The following B3GALT1 variants were observed in gnomAD, a reference collection of about 807,000 sequenced individuals.
The protein encoded by B3GALT1 is beta-1,3-galactosyltransferase 1, also known as UDP-Gal:betaGlcNAc beta 1,3-galactosyltransferase, polypeptide 1.
Under a neutral mutation model 23.2 loss-of-function variants are expected in B3GALT1, and 10 were observed. That is an observed-to-expected ratio of 0.43 (90% confidence interval 0.27 to 0.73). The LOEUF is 0.73. Among genes scored for constraint, B3GALT1 ranks in the 30% least tolerant of loss-of-function variants. The pLI, the probability that B3GALT1 is intolerant of heterozygous loss-of-function variation, is 0.21. For missense variants in B3GALT1, 299 were observed against 405.4 expected, an observed-to-expected ratio of 0.74 and a Z score of 2.25; for synonymous variants, 156 against 141.5, an observed-to-expected ratio of 1.10 and a Z score of -0.73.
intron 3 of B3GALT1, among the ~76,000 whole-genome samples, chr2:167,654,537 C>T (rs149688082): frequency 2.1e-3 from 325 of 152,134 alleles, no homozygotes; most frequent in African/African-American, 7.4e-3. Flanking sequence ...CCTCACTGTG[C>T]CACTCAGGCT....
chr2:167,859,815 G>A (rs1287833025), intron 4 of B3GALT1, among the ~76,000 whole-genome samples: 1 of 152,118 alleles, frequency 6.6e-6, no homozygotes, highest in African/African-American at 2.4e-5. Context: ...TAAGGCAGAG[G>A]AGTCAGAACA....
At chr2:167,338,213 T>C (rs1697090311) in intron 1 of B3GALT1, among the ~76,000 whole-genome samples, 1 of 152,192 alleles carries the variant, frequency 6.6e-6, no homozygotes, top group African/African-American at 2.4e-5. Flanking sequence ...ACAGCAGTCA[T>C]CAAAAGTGTT....
At chr2:167,528,921 G>A (rs572201738) in intron 2 of B3GALT1, among the ~76,000 whole-genome samples, 12 of 151,980 alleles carry the variant, frequency 7.9e-5, no homozygotes, top group African/African-American at 2.9e-4. Flanking sequence ...GCTCCCTTTT[G>A]TATTAATAGT....
intron 3 of B3GALT1, chr2:167,713,743 G>T: frequency 6.3e-7 from 1 of 1,578,596 alleles, no homozygotes; most frequent in South Asian, 1.1e-5. Flanking sequence ...TCTACCTTCA[G>T]AATGTGGGGT....
At chr2:167,515,503 A>T (rs1280793348) in intron 2 of B3GALT1, among the ~76,000 whole-genome samples, 1 of 152,164 alleles carries the variant, frequency 6.6e-6, no homozygotes. Flanking sequence ...CCATAAAATT[A>T]TAGGGAAGCA....
intron 1 of B3GALT1, among the ~76,000 whole-genome samples, chr2:167,327,207 T>G (rs954198332): frequency 6.6e-6 from 1 of 152,134 alleles, no homozygotes; most frequent in Non-Finnish European, 1.5e-5. Context: ...TTCTTTTTGC[T>G]CAAGACTGCT....
At chr2:167,656,507 A>AT (rs1430151048) in intron 3 of B3GALT1, among the ~76,000 whole-genome samples, 1 of 152,116 alleles carries the variant, frequency 6.6e-6, no homozygotes, top group African/African-American at 2.4e-5. Context: ...TTTTACATGC[A>AT]TTTTCCTGAA....
chr2:167,674,963 C>T (rs1182301098), intron 3 of B3GALT1, among the ~76,000 whole-genome samples: 1 of 152,114 alleles, frequency 6.6e-6, no homozygotes, highest in Admixed American at 6.6e-5. Flanking sequence ...GGTTTCAAGA[C>T]AAGCAGCCAG....
At chr2:167,634,544 A>G (rs1309891699) in intron 2 of B3GALT1, among the ~76,000 whole-genome samples, 2 of 152,138 alleles carry the variant, frequency 1.3e-5, no homozygotes, top group Non-Finnish European at 2.9e-5. Context: ...CAGAAATACA[A>G]ACTACTATCA....
chr2:167,558,844 C>A (rs904081806), intron 2 of B3GALT1, among the ~76,000 whole-genome samples: 2 of 152,236 alleles, frequency 1.3e-5, no homozygotes, highest in Non-Finnish European at 2.9e-5. Context: ...CTCAAGGAGG[C>A]CTGCCTGCCT....
intron 1 of B3GALT1, among the ~76,000 whole-genome samples, chr2:167,476,362 A>C (rs943401242): frequency 6.6e-6 from 1 of 152,224 alleles, no homozygotes; most frequent in Non-Finnish European, 1.5e-5. Context: ...CATGAATATA[A>C]GCGTTTATTA....
chr2:167,715,642 A>C (rs1687130706), intron 3 of B3GALT1: 1 of 1,613,732 alleles, frequency 6.2e-7, no homozygotes, highest in Non-Finnish European at 8.5e-7. Flanking sequence ...TTTCATCCTC[A>C]AGTTCAGAAT....
intron 2 of B3GALT1, among the ~76,000 whole-genome samples, chr2:167,537,909 C>G (rs1406911910): frequency 6.6e-6 from 1 of 151,098 alleles, no homozygotes; most frequent in Non-Finnish European, 1.5e-5. Flanking sequence ...CTGCAACTGC[C>G]CGCCTCCCTG....
intron 2 of B3GALT1, among the ~76,000 whole-genome samples, chr2:167,549,776 T>C (rs961316158): frequency 1.3e-5 from 2 of 152,226 alleles, no homozygotes; most frequent in Non-Finnish European, 2.9e-5. Context: ...CAACCTAATG[T>C]TAGCATCAAA....
intron 4 of B3GALT1, among the ~76,000 whole-genome samples, chr2:167,865,557 C>T (rs973505015): frequency 2.6e-5 from 4 of 152,106 alleles, no homozygotes; most frequent in Admixed American, 1.3e-4. Flanking sequence ...TCTGGGAGGC[C>T]GAGGCGGGCA....
intron 1 of B3GALT1, among the ~76,000 whole-genome samples, chr2:167,448,713 C>T (rs1049974532): frequency 6.6e-6 from 1 of 152,102 alleles, no homozygotes. Context: ...ATGGTATCTT[C>T]TAGAATTTTT....
At chr2:167,838,336 A>G (rs1689540111) in intron 4 of B3GALT1, among the ~76,000 whole-genome samples, 1 of 152,262 alleles carries the variant, frequency 6.6e-6, no homozygotes, top group South Asian at 2.1e-4. Context: ...AAAAAATGAT[A>G]AAGGGGATAT....
At chr2:167,839,062 G>A (rs1309242030) in intron 4 of B3GALT1, among the ~76,000 whole-genome samples, 259 of 150,382 alleles carry the variant, frequency 1.7e-3, no homozygotes, top group African/African-American at 6.2e-3. Flanking sequence ...CAAACCCACA[G>A]CCAATATCAT....
At position 167,864,522 on chromosome 2, in the gene B3GALT1, C is replaced by G. The variant is rs532075631; in HGVS notation, c.-229-4289C>G. Among the ~76,000 whole-genome samples, 70 of 152,286 alleles carry G rather than the reference C, an allele frequency of 4.6e-4. 2 individuals are homozygous for G. The South Asian group carries it at 0.014, about 30-fold the overall frequency. On this transcript the variant is annotated intron_variant, in intron 4 of 4. Coordinates refer to ENST00000392690, the MANE Select transcript of B3GALT1 (RefSeq NM_020981.4). ...AAGGCTACAGTGAGCTGTGATTGTG[C>G]CACTGCACTCCAGCCTAGGTGACAG...
Sources: gnomAD v4.1 joint callset for allele counts (sites outside exome capture counted in the v4.1 genomes callset) on GRCh38, gnomAD v4.1.1 for gene constraint, MANE v1.5 for transcripts, NCBI Gene and HGNC (gene_info 2026-07-23, HGNC 2026-07-21) for gene names.